Variants in EMCN observed in about 807,000 individuals in gnomAD.
EMCN encodes the protein MUC-14.
In EMCN, 37 loss-of-function variants were observed where a neutral mutation model predicts 38.4. The observed-to-expected ratio is 0.96, with a 90% confidence interval of 0.74 to 1.27. The LOEUF (loss-of-function observed/expected upper bound fraction) is 1.27. Among genes scored for constraint, EMCN ranks in the 50% most tolerant of loss-of-function variants. The pLI, the probability that EMCN is intolerant of heterozygous loss-of-function variation, is 0.00. For missense variants in EMCN, 318 were observed against 302.8 expected (o/e 1.05, Z -0.37); for synonymous variants, 95 against 100.8 (o/e 0.94, Z 0.35).
At chr4:100,509,482 T>C (rs1213177274) in intron 1 of EMCN, among the ~76,000 whole-genome samples, 2 of 152,184 alleles carry the variant, frequency 1.3e-5, no homozygotes, top group Non-Finnish European at 2.9e-5. Flanking sequence ...CTCATGGTTG[T>C]TTAGAGTTGT....
chr4:100,423,207 G>T, intron 6 of EMCN, 105 bp downstream of exon 6: 1 of 1,318,846 alleles, frequency 7.6e-7, no homozygotes. Context: ...AAAAGATTCA[G>T]TCTCATTCTG....
intron 1 of EMCN, among the ~76,000 whole-genome samples, chr4:100,492,455 A>C (rs1231232304): frequency 6.6e-6 from 1 of 152,114 alleles, no homozygotes; most frequent in Non-Finnish European, 1.5e-5. Flanking sequence ...AGAAAAGCAA[A>C]AGAGGAAAAG....
intron 10 of EMCN, among the ~76,000 whole-genome samples, chr4:100,412,103 T>A (rs1409339230): frequency 6.6e-6 from 1 of 152,154 alleles, no homozygotes; most frequent in Non-Finnish European, 1.5e-5. Flanking sequence ...GGGGTAAGTG[T>A]ACATGACAAA....
chr4:100,453,938 C>T (rs1373250794), intron 4 of EMCN, among the ~76,000 whole-genome samples: 3 of 150,614 alleles, frequency 2.0e-5, no homozygotes, highest in Non-Finnish European at 4.4e-5. Flanking sequence ...ACACCAAACA[C>T]CGCGTGTTCT....
At chr4:100,493,092 C>T (rs1014604091) in intron 1 of EMCN, among the ~76,000 whole-genome samples, 33 of 152,120 alleles carry the variant, frequency 2.2e-4, no homozygotes, top group Middle Eastern at 3.2e-3. Flanking sequence ...TAGAGTTCTA[C>T]CATTAGGTTA....
intron 5 of EMCN, among the ~76,000 whole-genome samples, chr4:100,438,690 C>T (rs559751247): frequency 4.5e-4 from 69 of 151,840 alleles, no homozygotes; most frequent in Non-Finnish European, 9.3e-4. Flanking sequence ...TTAACTTTTC[C>T]CCATTGATTA....
chr4:100,421,327 A>T lies in EMCN; in HGVS notation c.619T>A (p.Phe207Ile). ...IALIVITLSV[F>I]VLVGLYRMCW... ...ATTCGGTACAAACCCACCAGAACAA[A>T]TACTGAAAGTGTTATTACAATCAAA... The change falls in exon 8 of 12, where the codon TTT becomes ATT. Residue 207 changes from phenylalanine to isoleucine, a missense_variant. Physicochemically the swap from Phe to Ile is conservative, Grantham distance 21. Coordinates refer to ENST00000296420, the MANE Select transcript of EMCN (RefSeq NM_016242.4). The T allele has an allele frequency of 6.2e-7, 1 of 1,612,952 alleles. No homozygotes were observed. The highest frequency in any genetic ancestry group is 8.5e-7 in the Non-Finnish European group (1 of 1,179,170).
intron 10 of EMCN, 134 bp downstream of exon 10, chr4:100,415,764 C>T: frequency 1.7e-6 from 1 of 581,694 alleles, no homozygotes; most frequent in Admixed American, 3.7e-5. Context: ...GAGAATTTTA[C>T]ACTTATTGAC....
At chr4:100,478,290 C>T (rs766885237) in intron 2 of EMCN, among the ~76,000 whole-genome samples, 6 of 152,100 alleles carry the variant, frequency 3.9e-5, no homozygotes, top group Non-Finnish European at 8.8e-5. Flanking sequence ...TCATTAGAGA[C>T]CCTAGAATAG....
intron 5 of EMCN, among the ~76,000 whole-genome samples, chr4:100,441,239 T>C (rs575936940): frequency 1.2e-4 from 18 of 152,348 alleles, no homozygotes; most frequent in African/African-American, 4.3e-4. Context: ...TGTTGATACA[T>C]TGACCCCTTT....
At chr4:100,513,571 G>C (rs1259426545) in intron 1 of EMCN, among the ~76,000 whole-genome samples, 3 of 152,244 alleles carry the variant, frequency 2.0e-5, no homozygotes, top group South Asian at 4.1e-4. Context: ...AAGTAGAGCT[G>C]GTTCTGTTTA....
At chr4:100,418,276 G>T (rs539714762) in intron 8 of EMCN, among the ~76,000 whole-genome samples, 49 of 152,080 alleles carry the variant, frequency 3.2e-4, no homozygotes, top group Non-Finnish European at 3.8e-4. Flanking sequence ...ATTTTTGGGG[G>T]TACATAGTAG....
Position 100,517,993 on chromosome 4 carries a change from AT to A in EMCN, c.-80del. Reference sequence around the variant, plus strand: ...TTCCCTCCCAGCCTGGCAGGGCCTTATTAGCAAATGGAAAAGGTGTAGTGAA... The same window carrying A: ...TTCCCTCCCAGCCTGGCAGGGCCTTATAGCAAATGGAAAAGGTGTAGTGAA... On this transcript the variant is annotated 5_prime_UTR_variant, in exon 1 of 12. Transcript: ENST00000296420. The A allele has an allele frequency of 7.2e-7, 1 of 1,385,050 alleles. No individual in the cohort carries two copies. The highest frequency in any genetic ancestry group is 1.0e-6 in the Non-Finnish European group (1 of 972,442). 85.8% of individuals were successfully genotyped at this position (1,385,050 alleles called of 1,614,324 possible).
At chr4:100,487,853 T>C (rs1445743602) in intron 1 of EMCN, among the ~76,000 whole-genome samples, 1 of 152,212 alleles carries the variant, frequency 6.6e-6, no homozygotes, top group Non-Finnish European at 1.5e-5. Flanking sequence ...TCTTGGGTAC[T>C]TCTTCATAGC....
chr4:100,517,141 A>G (rs2110316802), intron 1 of EMCN, among the ~76,000 whole-genome samples: 1 of 152,228 alleles, frequency 6.6e-6, no homozygotes, highest in South Asian at 2.1e-4. Flanking sequence ...CGTTCTTGAA[A>G]TTGTCCATTG....
intron 10 of EMCN, among the ~76,000 whole-genome samples, chr4:100,413,112 C>G (rs1429265614): frequency 6.6e-6 from 1 of 152,146 alleles, no homozygotes; most frequent in Non-Finnish European, 1.5e-5. Context: ...ATGACAGATT[C>G]AAATAATTTT....
At chr4:100,467,730 C>T (rs900506436) in intron 3 of EMCN, among the ~76,000 whole-genome samples, 1 of 150,044 alleles carries the variant, frequency 6.7e-6, no homozygotes, top group Non-Finnish European at 1.5e-5. Flanking sequence ...ATATTAACAT[C>T]TTTTTGAGAA....
At chr4:100,423,105 A>G (rs377524110) in intron 6 of EMCN, 25 bp from the exon 7 acceptor site, 8 of 1,611,366 alleles carry the variant, frequency 5.0e-6, no homozygotes, top group Non-Finnish European at 6.8e-6. Flanking sequence ...AAAACAAGTC[A>G]CTTTTGGTTA....
At position 100,425,367 on chromosome 4, in the gene EMCN, A is replaced by C. The variant is rs116754450; in HGVS notation, c.416-1963T>G. 9.0e-3 allele frequency among the ~76,000 whole-genome samples: 1,334 copies of C among 147,692 alleles called. 16 individuals carry two copies. The highest frequency in any genetic ancestry group is 0.026 in the South Asian group (122 of 4,634). On this transcript the variant is annotated intron_variant, in intron 5 of 11. Transcript: ENST00000296420. ...ATGCTCAGAGCCTGATGATCTACAC[A>C]GTTTTTGTTGAGACTGTATTATCCT... is the stretch of plus-strand genomic sequence containing the variant.
Sources: allele counts gnomAD v4.1 joint callset (sites outside exome capture counted in the v4.1 genomes callset), GRCh38; gene constraint gnomAD v4.1.1; transcripts MANE v1.5; gene names NCBI Gene and HGNC (gene_info 2026-07-23, HGNC 2026-07-21).